The following ATP10B variants were observed in gnomAD, a reference collection of about 807,000 sequenced individuals.
ATP10B encodes the protein ATPase phospholipid transporting 10B (putative).
A neutral mutation model predicts 141.2 loss-of-function variants in ATP10B; 122 were observed. That is an observed-to-expected ratio of 0.86 (90% CI 0.75 to 1.00). ATP10B has a LOEUF of 1.00. Ranked by LOEUF, ATP10B falls within the 50% of genes least tolerant of loss-of-function variation. ATP10B has a pLI of 0.00. For synonymous variants in ATP10B, 685 were observed against 692.0 expected, an observed-to-expected ratio of 0.99 and a Z score of 0.16; for missense variants, 1,876 against 1,825.3, an observed-to-expected ratio of 1.03 and a Z score of -0.51.
At chr5:160,880,400 C>G in the ATP10B span, among the ~76,000 whole-genome samples, 2 of 151,720 alleles carry the variant, frequency 1.3e-5, no homozygotes, top group Non-Finnish European at 2.9e-5. Flanking sequence ...CAATACAATC[C>G]CATTCAAAAT....
intron 2 of ATP10B, among the ~76,000 whole-genome samples, chr5:160,773,318 T>C (rs532338742): frequency 6.6e-6 from 1 of 152,218 alleles, no homozygotes; most frequent in South Asian, 2.1e-4. Context: ...ATCAAAGGAA[T>C]AGGGAGGTAC....
chr5:160,890,717 T>C, the ATP10B span, among the ~76,000 whole-genome samples: 8 of 152,190 alleles, frequency 5.3e-5, no homozygotes, highest in African/African-American at 1.7e-4. Context: ...CATTTTTTTT[T>C]CTCTTTTATC....
At chr5:160,840,372 C>A (rs1775739506) in intron 1 of ATP10B, among the ~76,000 whole-genome samples, 1 of 151,470 alleles carries the variant, frequency 6.6e-6, no homozygotes, top group Non-Finnish European at 1.5e-5. Context: ...GTGGTAGTGG[C>A]TCATGAGGAT....
chr5:160,794,116 C>T (rs1448411542), intron 1 of ATP10B, among the ~76,000 whole-genome samples: 3 of 151,998 alleles, frequency 2.0e-5, no homozygotes, highest in Admixed American at 1.3e-4. Flanking sequence ...TTAATGTATC[C>T]CACACATATA....
At chr5:160,800,130 G>T (rs567174481) in intron 1 of ATP10B, among the ~76,000 whole-genome samples, 1 of 152,192 alleles carries the variant, frequency 6.6e-6, no homozygotes, top group South Asian at 2.1e-4. Context: ...TCATAATCTT[G>T]GCTGGTACTT....
chr5:160,872,266 T>C, the ATP10B span, among the ~76,000 whole-genome samples: 1 of 152,184 alleles, frequency 6.6e-6, no homozygotes, highest in African/African-American at 2.4e-5. Flanking sequence ...CATTGTTGAT[T>C]CTGGATATTA....
At chr5:160,677,879 T>G (rs1763132600) in intron 6 of ATP10B, among the ~76,000 whole-genome samples, 1 of 152,218 alleles carries the variant, frequency 6.6e-6, no homozygotes, top group Non-Finnish European at 1.5e-5. Flanking sequence ...CCTTGAGGGC[T>G]GTTATTCAGA....
chr5:160,807,974 T>G lies in ATP10B; in HGVS notation c.-575-22171A>C, dbSNP rs116936600. On this transcript the variant is annotated intron_variant, in intron 1 of 25. Transcript: ENST00000327245. ...GCCCCAAGTCCCCTGGTCTTTTACT[T>G]GAGATGCTTCTCATTAATGAATGCT... 7.4e-4 allele frequency among the ~76,000 whole-genome samples: 113 copies of G among 152,342 alleles called. No homozygotes were observed. In the East Asian group the frequency reaches 0.02, roughly 28 times the overall value.
At chr5:160,925,206 C>T in the ATP10B span, among the ~76,000 whole-genome samples, 4 of 152,190 alleles carry the variant, frequency 2.6e-5, no homozygotes, top group African/African-American at 9.6e-5. Context: ...TGATTCTGGC[C>T]ATGTGGCCTG....
At chr5:160,862,017 T>G in the ATP10B span, among the ~76,000 whole-genome samples, 2 of 151,974 alleles carry the variant, frequency 1.3e-5, no homozygotes, top group East Asian at 3.9e-4. Context: ...CAGTGTTTTG[T>G]GCTGTGTTGT....
At chr5:160,768,676 A>G (rs367968700) in intron 2 of ATP10B, among the ~76,000 whole-genome samples, 18 of 152,218 alleles carry the variant, frequency 1.2e-4, no homozygotes, top group African/African-American at 4.1e-4. Context: ...AATTAACAGC[A>G]TCGTAGTTTT....
At chr5:160,647,732 G>A (rs1760397227) in intron 8 of ATP10B, among the ~76,000 whole-genome samples, 1 of 152,140 alleles carries the variant, frequency 6.6e-6, no homozygotes. Context: ...CTTCAGAGCA[G>A]GTGACAGGCT....
chr5:160,730,162 G>A (rs533904935), intron 2 of ATP10B, among the ~76,000 whole-genome samples: 1 of 152,064 alleles, frequency 6.6e-6, no homozygotes, highest in African/African-American at 2.4e-5. Flanking sequence ...TGCTGACAAA[G>A]CCCACAGTGA....
At chr5:160,902,724 T>C in the ATP10B span, among the ~76,000 whole-genome samples, 77,494 of 151,816 alleles carry the variant, frequency 0.51, 20,115 homozygotes, top group African/African-American at 0.57. Context: ...TCTATTTTTC[T>C]GTTATGGGAC....
At chr5:160,606,661 A>T in intron 19 of ATP10B, 104 bp downstream of exon 19, 1 of 1,143,616 alleles carries the variant, frequency 8.7e-7, no homozygotes, top group Non-Finnish European at 1.3e-6. Context: ...AATGACTCAC[A>T]GCCTAAGCAT....
chr5:160,840,599 A>G (rs1164269819), intron 1 of ATP10B, among the ~76,000 whole-genome samples: 2 of 152,126 alleles, frequency 1.3e-5, no homozygotes, highest in Non-Finnish European at 2.9e-5. Context: ...ACTTTACTGC[A>G]AGAAAATATT....
At chr5:160,673,679 G>A (rs1387420587) in intron 6 of ATP10B, among the ~76,000 whole-genome samples, 3 of 151,868 alleles carry the variant, frequency 2.0e-5, no homozygotes, top group South Asian at 4.1e-4. Context: ...TAAACATTTT[G>A]TTGTTTATTT....
intron 2 of ATP10B, among the ~76,000 whole-genome samples, chr5:160,755,326 T>C (rs1388736014): frequency 6.6e-6 from 1 of 152,068 alleles, no homozygotes; most frequent in Non-Finnish European, 1.5e-5. Context: ...ACCAGGCCCC[T>C]CCAATTCGGC....
intron 8 of ATP10B, among the ~76,000 whole-genome samples, chr5:160,645,874 T>C (rs1760244200): frequency 6.6e-6 from 1 of 152,170 alleles, no homozygotes; most frequent in South Asian, 2.1e-4. Flanking sequence ...ATACCCACTT[T>C]ACAGATAGGG....
Sources: allele counts gnomAD v4.1 joint callset (sites outside exome capture counted in the v4.1 genomes callset), GRCh38; gene constraint gnomAD v4.1.1; transcripts MANE v1.5; gene names NCBI Gene and HGNC (gene_info 2026-07-23, HGNC 2026-07-21).